GALNT9: variants seen among roughly 807,000 people sequenced by gnomAD.
GALNT9 encodes polypeptide N-acetylgalactosaminyltransferase 9.
A neutral mutation model predicts 63.1 loss-of-function variants in GALNT9; 47 were observed. The ratio of observed to expected loss-of-function variants is 0.75; its 90% CI spans 0.59 to 0.95. GALNT9 has a LOEUF of 0.95. Among genes scored for constraint, GALNT9 ranks in the 40% least tolerant of loss-of-function variants. The pLI, the probability that GALNT9 is intolerant of heterozygous loss-of-function variation, is 0.00. For missense variants in GALNT9, 829 were observed against 874.8 expected, an observed-to-expected ratio of 0.95 and a Z score of 0.66; for synonymous variants, 396 against 365.7, an observed-to-expected ratio of 1.08 and a Z score of -0.94.
At chr12:132,255,881 G>T (rs148681441) in intron 5 of GALNT9, among the ~76,000 whole-genome samples, 1,837 of 152,190 alleles carry the variant, frequency 0.012, 33 homozygotes, top group African/African-American at 0.042. Context: ...TGTCCACCAT[G>T]GAAGCCGTCC....
chr12:132,213,399 G>A (rs904544224), intron 6 of GALNT9, among the ~76,000 whole-genome samples: 11 of 152,122 alleles, frequency 7.2e-5, no homozygotes, highest in South Asian at 4.1e-4. Flanking sequence ...AAAATGCACC[G>A]CAGATGCACA....
chr12:132,286,404 C>T lies in GALNT9; in HGVS notation c.265G>A (p.Glu89Lys). The T allele has an allele frequency of 6.4e-7, 1 of 1,550,470 alleles. No homozygotes were observed. Among genetic ancestry groups the T allele is most frequent in the Non-Finnish European group, 8.7e-7 (1 of 1,146,708 alleles). The change falls in exon 2 of 11, where the codon GAG becomes AAG. Residue 89 changes from glutamate (E) to lysine (K), a missense_variant. Glu to Lys is a moderately conservative substitution (Grantham distance 56, BLOSUM62 1). Coordinates refer to ENST00000328957, the MANE Select transcript of GALNT9 (RefSeq NM_001122636.2). The surrounding 1 kb of genome is among the most constrained non-coding windows in gnomAD (Gnocchi z 7.4). Reference sequence around the variant, plus strand: ...CCCTGGCCCAGGCCTCCTGGCCCCTCCACCAGGCCGATGGGCTTGGCAAGG... The same window carrying T: ...CCCTGGCCCAGGCCTCCTGGCCCCTTCACCAGGCCGATGGGCTTGGCAAGG... ...NGLAKPIGLV[E>K]GPGGLGQGGL...
chr12:132,240,769 T>C (rs2136899456), intron 6 of GALNT9: 2 of 454,832 alleles, frequency 4.4e-6, no homozygotes, highest in African/African-American at 4.0e-5. Context: ...AGAATTGGAA[T>C]GTGCAGTATG....
Position 132,198,554 on chromosome 12 carries a change from T to C in GALNT9, c.1498-595A>G, listed in dbSNP as rs199620089. On this transcript the variant is annotated intron_variant, in intron 9 of 10. Coordinates refer to ENST00000328957, the MANE Select transcript of GALNT9 (RefSeq NM_001122636.2). ...CCCCCGAGCCAATGCTTCCCACACTTCGCTTCAATCACGCGACAGTCCTGA... is the reference window on the plus strand; with the variant it reads ...CCCCCGAGCCAATGCTTCCCACACTCCGCTTCAATCACGCGACAGTCCTGA... Among the ~76,000 whole-genome samples, 84 of 151,868 alleles carry C rather than the reference T, an allele frequency of 5.5e-4. 1 individual carries two copies. In the East Asian group the frequency reaches 6.4e-3, roughly 12 times the overall value.
intron 6 of GALNT9, among the ~76,000 whole-genome samples, chr12:132,208,925 G>A (rs750105286): frequency 5.6e-4 from 85 of 152,180 alleles, no homozygotes; most frequent in Non-Finnish European, 8.4e-4. Context: ...CATCCCCACT[G>A]CCCAAGACAA....
chr12:132,219,893 A>G lies in GALNT9; in HGVS notation c.1078-16203T>C, dbSNP rs11247021. 4.0e-4 allele frequency among the ~76,000 whole-genome samples: 35 copies of G among 87,384 alleles called. 4 individuals are homozygous for G. Among genetic ancestry groups the G allele is most frequent in the African/African-American group, 1.3e-3 (27 of 20,036 alleles). The allele number at this position is 87,384 out of a possible 152,430, so 57.3% of individuals were successfully genotyped here. On this transcript the variant is annotated intron_variant, in intron 6 of 10. Coordinates refer to ENST00000328957, the MANE Select transcript of GALNT9 (RefSeq NM_001122636.2). The stretch of plus-strand genomic sequence containing the variant: ...GGGGAAGGGGTACCTCCCCAGGGTG[A>G]CACCCGCCTGGGTAAGGGGAAGGGG...
intron 6 of GALNT9, among the ~76,000 whole-genome samples, chr12:132,205,046 C>CG (rs775812612): frequency 6.6e-6 from 1 of 152,126 alleles, no homozygotes; most frequent in Admixed American, 6.5e-5. Context: ...CAGGGGCGCA[C>CG]GGGGTGGAGC....
rs1879092639 is a variant in GALNT9 at position 132,255,927 on chromosome 12, G to C, written c.959+1762C>G. Among the ~76,000 whole-genome samples, 4 of 151,868 alleles carry C rather than the reference G, an allele frequency of 2.6e-5. No individual in the cohort carries two copies. The South Asian group carries it at 8.3e-4, about 32-fold the overall frequency. ...AACATGGCCCCATCTCGTTGCGGCT[G>C]TCTGCTGTTTCTGTCCCCATGAGGG... is the stretch of plus-strand genomic sequence containing the variant. On this transcript the variant is annotated intron_variant, in intron 5 of 10. Coordinates refer to ENST00000328957, the MANE Select transcript of GALNT9 (RefSeq NM_001122636.2).
chr12:132,314,933 G>C (rs1868429370), intron 1 of GALNT9, among the ~76,000 whole-genome samples: 1 of 152,228 alleles, frequency 6.6e-6, no homozygotes, highest in Non-Finnish European at 1.5e-5. Flanking sequence ...ATCTGCCGAA[G>C]CAGCGCCATC....
chr12:132,218,823 G>A (rs989958704), intron 6 of GALNT9, among the ~76,000 whole-genome samples: 5 of 152,208 alleles, frequency 3.3e-5, no homozygotes, highest in Admixed American at 6.5e-5. Context: ...AGGGCCAGCC[G>A]TTGTCCAGAC....
intron 8 of GALNT9, among the ~76,000 whole-genome samples, chr12:132,199,503 C>T (rs183377754): frequency 8.5e-4 from 130 of 152,262 alleles, no homozygotes; most frequent in African/African-American, 3.0e-3. Flanking sequence ...GGCCATCACT[C>T]CATAGGGGAA....
intron 6 of GALNT9, among the ~76,000 whole-genome samples, chr12:132,205,179 G>A (rs1027139866): frequency 5.3e-5 from 8 of 151,534 alleles, no homozygotes; most frequent in Admixed American, 5.2e-4. Context: ...TTCCCAAAGA[G>A]GGCCACACTC....
chr12:132,209,362 TAA>T (rs535876437), intron 6 of GALNT9, among the ~76,000 whole-genome samples: 2,698 of 150,584 alleles, frequency 0.018, 88 homozygotes, highest in African/African-American at 0.063. Flanking sequence ...CCGTCTTTAC[TAA>T]AAAAAATAAA....
At chr12:132,247,718 G>A (rs782439433) in intron 6 of GALNT9, 192 bp downstream of exon 6, 35 of 910,586 alleles carry the variant, frequency 3.8e-5, no homozygotes, top group African/African-American at 2.7e-4. Context: ...CAGACACCGC[G>A]GCCTCACTCG....
rs181054711 is a variant in GALNT9 at position 132,309,747 on chromosome 12, C to T, written c.238+19219G>A. ...CCAGAACAGAGAGAGCGTAAGTCTC[C>T]ATTGTGTACAGCCACCCGGTCTGTG... On this transcript the variant is annotated intron_variant, in intron 1 of 10. Transcript: ENST00000328957. Among the ~76,000 whole-genome samples, 226 of 152,310 alleles carry T rather than the reference C, an allele frequency of 1.5e-3. 1 individual carries two copies. The highest frequency in any genetic ancestry group is 5.0e-3 in the African/African-American group (208 of 41,572).
At position 132,197,824 on chromosome 12, in the gene GALNT9, G is replaced by C. The variant is rs754543354; in HGVS notation, c.1633C>G (p.Arg545Gly). 1.9e-6 allele frequency: 3 copies of C among 1,547,006 alleles called. No individual in the cohort carries two copies. The highest frequency in any genetic ancestry group is 1.1e-5 in the South Asian group (1 of 87,518). Residue 545 changes from arginine to glycine, a missense_variant, in exon 10 of 11, where the codon CGG (arginine) becomes GGG (glycine). Transcript: ENST00000328957. ...PTLKKCEDVARPTQRLWDFTQ... is the reference protein window; with the variant it reads ...PTLKKCEDVAGPTQRLWDFTQ... Reference sequence around the variant, plus strand: ...AAGTCCCACAGCCGCTGTGTTGGCCGCGCCACATCCTCACACTTCTTCAGG... The same window carrying C: ...AAGTCCCACAGCCGCTGTGTTGGCCCCGCCACATCCTCACACTTCTTCAGG...
intron 1 of GALNT9, among the ~76,000 whole-genome samples, chr12:132,328,243 C>T (rs1238870197): frequency 2.0e-5 from 3 of 152,112 alleles, no homozygotes; most frequent in Admixed American, 6.5e-5. Context: ...TACGTCCGCT[C>T]GTGATGAAAC....
intron 5 of GALNT9, among the ~76,000 whole-genome samples, chr12:132,248,676 G>A (rs895626861): frequency 5.9e-5 from 9 of 152,224 alleles, no homozygotes; most frequent in African/African-American, 2.2e-4. Flanking sequence ...GATTCTGAAC[G>A]ACGCAGCTTG....
At chr12:132,324,879 C>T (rs371343649) in intron 1 of GALNT9, among the ~76,000 whole-genome samples, 7 of 152,348 alleles carry the variant, frequency 4.6e-5, no homozygotes, top group East Asian at 1.9e-4. Flanking sequence ...TGGGGAGATA[C>T]GCCCCTTGGC....
Sources: allele counts gnomAD v4.1 joint callset (sites outside exome capture counted in the v4.1 genomes callset), GRCh38; gene constraint gnomAD v4.1.1; non-coding constraint Gnocchi (gnomAD v3.1); transcripts MANE v1.5; gene names NCBI Gene and HGNC (gene_info 2026-07-23, HGNC 2026-07-21).